The following CFAP77 variants were observed in gnomAD, a reference collection of about 807,000 sequenced individuals.
The protein encoded by CFAP77 is cilia and flagella associated protein 77, also known as cilia- and flagella-associated protein 77.
In CFAP77, 25 loss-of-function variants were observed where a neutral mutation model predicts 31.1. The ratio of observed to expected loss-of-function variants is 0.80; its 90% CI spans 0.59 to 1.12. The LOEUF is 1.12. CFAP77 is among the 50% of genes most tolerant of loss of function. CFAP77 has a pLI of 0.00. For synonymous variants in CFAP77, 151 were observed against 159.9 expected (o/e 0.94, Z 0.42); for missense variants, 377 against 397.3 (o/e 0.95, Z 0.44).
intron 3 of CFAP77, among the ~76,000 whole-genome samples, chr9:132,505,964 G>C (rs1226761886): frequency 6.6e-6 from 1 of 152,206 alleles, no homozygotes; most frequent in Non-Finnish European, 1.5e-5. Flanking sequence ...AACGTGGCAG[G>C]CATTTTGCAC....
intron 1 of CFAP77, among the ~76,000 whole-genome samples, chr9:132,468,755 G>A (rs560519759): frequency 7.9e-5 from 12 of 151,328 alleles, no homozygotes; most frequent in African/African-American, 2.4e-4. Flanking sequence ...GTAGGTGCTC[G>A]GTTGGTATCT....
chr9:132,466,389 G>A (rs138417819), intron 1 of CFAP77, among the ~76,000 whole-genome samples: 36 of 152,316 alleles, frequency 2.4e-4, no homozygotes, highest in African/African-American at 8.2e-4. Flanking sequence ...GCAGGATTGT[G>A]TCTCCACTGC....
rs529256347 is a variant in CFAP77 at position 132,415,232 on chromosome 9, C to T, written c.195+4766C>T. 1.4e-4 allele frequency among the ~76,000 whole-genome samples: 22 copies of T among 152,262 alleles called. No homozygotes were observed. The South Asian group carries it at 3.9e-3, about 27-fold the overall frequency. On this transcript the variant is annotated intron_variant, in intron 1 of 5. Transcript: ENST00000393216. ...TCAGTTTCATTTTTCTAGAGAGTGC[C>T]GTGGGTTGATCCATCCTTACAACTC...
In CFAP77 at chr9:132,499,671, C is replaced by A; in HGVS notation, c.524+71C>A. ...GTACCAGCTCAATCAGGGACAAGGTCGGAGGGTGACAGGGAAGTGGAGCAT... is the reference window on the plus strand; with the variant it reads ...GTACCAGCTCAATCAGGGACAAGGTAGGAGGGTGACAGGGAAGTGGAGCAT... On this transcript the variant is annotated intron_variant, in intron 3 of 5. Transcript: ENST00000393216. The surrounding 1 kb of genome is among the most constrained non-coding windows in gnomAD (Gnocchi z 5.4). 1 of 1,405,468 alleles carries A rather than the reference C, an allele frequency of 7.1e-7. No individual in the cohort carries two copies. The highest frequency in any genetic ancestry group is 1.2e-5 in the South Asian group (1 of 84,644). The allele number at this position is 1,405,468 out of a possible 1,614,324, so 87.1% of individuals were successfully genotyped here.
At chr9:132,487,725 C>T (rs1274755672) in intron 1 of CFAP77, among the ~76,000 whole-genome samples, 3 of 140,280 alleles carry the variant, frequency 2.1e-5, no homozygotes, top group Non-Finnish European at 3.0e-5. Flanking sequence ...GTGGCTTTTT[C>T]GTATCATTAT....
rs375881857 is a variant in CFAP77 at position 132,539,789 on chromosome 9, G to A, written c.630+2083G>A. Among the ~76,000 whole-genome samples the A allele has an allele frequency of 3.6e-4, 55 of 152,290 alleles. No individual in the cohort carries two copies. In the East Asian group the frequency reaches 6.2e-3, roughly 17 times the overall value. On this transcript the variant is annotated intron_variant, in intron 4 of 5. Transcript: ENST00000393216. The surrounding 1 kb of genome is among the most constrained non-coding windows in gnomAD (Gnocchi z 4.3). ...TAATAACATTTTAAGAGCAACCCACGACTAGTTTATTCGTTAATGGCTCAA... is the reference window on the plus strand; with the variant it reads ...TAATAACATTTTAAGAGCAACCCACAACTAGTTTATTCGTTAATGGCTCAA...
At chr9:132,532,786 C>T (rs1356613671) in intron 3 of CFAP77, among the ~76,000 whole-genome samples, 1 of 152,150 alleles carries the variant, frequency 6.6e-6, no homozygotes, top group Non-Finnish European at 1.5e-5. Flanking sequence ...TGGTGGTTCA[C>T]ACCTGTGATC....
chr9:132,509,694 G>T (rs915847078), intron 3 of CFAP77, among the ~76,000 whole-genome samples: 1 of 152,144 alleles, frequency 6.6e-6, no homozygotes, highest in Non-Finnish European at 1.5e-5. Flanking sequence ...ACTTGAACCC[G>T]GGAGGTCGAG....
chr9:132,526,530 C>A (rs1238824951), intron 3 of CFAP77, among the ~76,000 whole-genome samples: 2 of 134,808 alleles, frequency 1.5e-5, no homozygotes, highest in Non-Finnish European at 3.1e-5. Context: ...CAGCGCCCGA[C>A]CGGCAGTTTC....
At position 132,480,271 on chromosome 9, in the gene CFAP77, G is replaced by T. The variant is rs1851423336; in HGVS notation, c.196-18424G>T. Reference sequence around the variant, plus strand: ...CTCCCCTGCCCACCCACCCTGCTCTGGGTCCAGAGACTCCAACCCTGTGGG... The same window carrying T: ...CTCCCCTGCCCACCCACCCTGCTCTTGGTCCAGAGACTCCAACCCTGTGGG... On this transcript the variant is annotated intron_variant, in intron 1 of 5. Coordinates refer to ENST00000393216, the MANE Select transcript of CFAP77 (RefSeq NM_001282957.2). The surrounding 1 kb of genome is among the most constrained non-coding windows in gnomAD (Gnocchi z 5.8). 6.6e-6 allele frequency among the ~76,000 whole-genome samples: 1 copy of T among 150,804 alleles called. No homozygotes were observed. The highest frequency in any genetic ancestry group is 2.4e-5 in the African/African-American group (1 of 41,176).
chr9:132,482,420 G>A (rs766458174), intron 1 of CFAP77: 1 of 1,609,070 alleles, frequency 6.2e-7, no homozygotes, highest in East Asian at 2.2e-5. Context: ...GCCCACAGGT[G>A]TTTCTTCCTT....
intron 3 of CFAP77, among the ~76,000 whole-genome samples, chr9:132,533,864 G>C (rs1017512630): frequency 1.3e-5 from 2 of 152,132 alleles, no homozygotes; most frequent in Non-Finnish European, 2.9e-5. Context: ...CTGGGCAACA[G>C]AGCGAGACTC....
chr9:132,487,553 G>A (rs1295360279), intron 1 of CFAP77, among the ~76,000 whole-genome samples: 3 of 151,556 alleles, frequency 2.0e-5, no homozygotes, highest in African/African-American at 7.3e-5. Context: ...CAGTTATGGG[G>A]CTGGGTTTCC....
At chr9:132,430,968 A>G (rs891089266) in intron 1 of CFAP77, among the ~76,000 whole-genome samples, 1 of 152,366 alleles carries the variant, frequency 6.6e-6, no homozygotes, top group South Asian at 2.1e-4. Context: ...GCTGCACAGC[A>G]TGTCTACAGT....
At chr9:132,456,941 C>A (rs1850927516) in intron 1 of CFAP77, among the ~76,000 whole-genome samples, 1 of 151,914 alleles carries the variant, frequency 6.6e-6, no homozygotes, top group South Asian at 2.1e-4. Context: ...GGGGTCTCAC[C>A]AAGTTGTTGC....
intron 1 of CFAP77, among the ~76,000 whole-genome samples, chr9:132,445,868 CAAAA>C (rs559749361): frequency 1.6e-5 from 1 of 64,432 alleles, no homozygotes; most frequent in African/African-American, 5.2e-5. Context: ...GACTCGATCT[CAAAA>C]AAAAAAAAAA....
rs1050926140 is a variant in CFAP77 at position 132,455,675 on chromosome 9, G to A, written c.196-43020G>A. On this transcript the variant is annotated intron_variant, in intron 1 of 5. Transcript: ENST00000393216. This position sits in a 1 kb window ranked among gnomAD's most constrained non-coding sequence, Gnocchi z 4.1. ...GAGCCTGGGAGGCGGAGGTTGTAGT[G>A]AGTTGAGATCGCACTACTGCACTCT... Among the ~76,000 whole-genome samples, 1 of 152,188 alleles carries A rather than the reference G, an allele frequency of 6.6e-6. No homozygotes were observed. The highest frequency in any genetic ancestry group is 1.5e-5 in the Non-Finnish European group (1 of 68,030).
In CFAP77 at chr9:132,572,118, G is replaced by A. The variant is rs187480397; in HGVS notation, c.733-270G>A. ...GGCTACTAGGTCCCATTGCGTGGTCGTCTGGTCATGGCCTGGTGATTTTTG... is the reference window on the plus strand; with the variant it reads ...GGCTACTAGGTCCCATTGCGTGGTCATCTGGTCATGGCCTGGTGATTTTTG... On this transcript the variant is annotated intron_variant, in intron 5 of 5. Coordinates refer to ENST00000393216, the MANE Select transcript of CFAP77 (RefSeq NM_001282957.2). Among the ~76,000 whole-genome samples the A allele has an allele frequency of 5.5e-4, 84 of 152,186 alleles. 1 individual carries two copies. The highest frequency in any genetic ancestry group is 1.8e-3 in the African/African-American group (73 of 41,518).
chr9:132,550,841 G>A (rs989655106), intron 5 of CFAP77, among the ~76,000 whole-genome samples: 1 of 152,118 alleles, frequency 6.6e-6, no homozygotes, highest in Non-Finnish European at 1.5e-5. Context: ...ATATGGGGCC[G>A]TCAGCAGGTT....
Sources: allele counts gnomAD v4.1 joint callset (sites outside exome capture counted in the v4.1 genomes callset), GRCh38; gene constraint gnomAD v4.1.1; non-coding constraint Gnocchi (gnomAD v3.1); transcripts MANE v1.5; gene names NCBI Gene and HGNC (gene_info 2026-07-23, HGNC 2026-07-21).